SERPINB12: variants seen among roughly 807,000 people sequenced by gnomAD.
The protein encoded by SERPINB12 is serpin family B member 12, also known as serpin B12.
SERPINB12 carries 57 observed loss-of-function variants against 41.1 expected under a neutral mutation model. The observed-to-expected ratio is 1.39, with a 90% CI of 1.12 to 1.73. The LOEUF (loss-of-function observed/expected upper bound fraction) is 1.73. Ranked by LOEUF, SERPINB12 falls within the 40% of genes most tolerant of loss-of-function variation. The pLI, the probability that SERPINB12 is intolerant of heterozygous loss-of-function variation, is 0.00. For synonymous variants in SERPINB12, 180 were observed against 181.3 expected (o/e 0.99, Z 0.06); for missense variants, 536 against 501.9 (o/e 1.07, Z -0.65).
At chr18:63,528,392 C>CAATAAATAAATAAATA in the SERPINB12 span, among the ~76,000 whole-genome samples, 150 of 144,980 alleles carry the variant, frequency 1.0e-3, no homozygotes, top group East Asian at 7.5e-3. Flanking sequence ...TCTCTGAGAG[C>CAATAAATAAATAAATA]AATAAATAAA....
chr18:63,561,121 A>C lies in SERPINB12; in HGVS notation c.481A>C (p.Thr161Pro). 1 of 1,613,110 alleles carries C rather than the reference A, an allele frequency of 6.2e-7. No homozygotes were observed. Residue 161 changes from threonine to proline, a missense_variant, in exon 5 of 8, where the codon ACG (threonine) becomes CCG (proline). Physicochemically the swap from Thr to Pro is conservative, Grantham distance 38. Transcript: ENST00000382768. ...TGGTGTGATTCAATTTTACCACACGACGATTGAAAGTGTTGATTTCCAAAA... is the reference window on the plus strand; with the variant it reads ...TGGTGTGATTCAATTTTACCACACGCCGATTGAAAGTGTTGATTTCCAAAA... ...LDGVIQFYHT[T>P]IESVDFQKNP...
At chr18:63,566,467 A>G (rs758613717) in intron 7 of SERPINB12, 140 bp from the exon 8 acceptor site, 34 of 745,636 alleles carry the variant, frequency 4.6e-5, no homozygotes, top group Non-Finnish European at 6.4e-5. Context: ...TTTAAATGAA[A>G]TCAGACTATT....
chr18:63,569,053 A>G lies in SERPINB12; in HGVS notation c.*2042A>G, dbSNP rs899098944. Among the ~76,000 whole-genome samples the G allele has an allele frequency of 5.3e-5, 8 of 152,114 alleles. No homozygotes were observed. Among genetic ancestry groups the G allele is most frequent in the Non-Finnish European group, 7.4e-5 (5 of 68,024 alleles). On this transcript the variant is annotated 3_prime_UTR_variant, in exon 8 of 8. Transcript: ENST00000382768. ...ATGTCTGACTTGGCACCACTGCCCG[A>G]CACGTAGCTGGAAACCATGACCTAT...
At position 63,544,854 on chromosome 18, in the gene SERPINB12, T is replaced by C. The variant is rs1439126962; in HGVS notation, c.-19+2362T>C. Among the ~76,000 whole-genome samples, 8 of 152,326 alleles carry C rather than the reference T, an allele frequency of 5.3e-5. No homozygotes were observed. The East Asian group carries it at 1.5e-3, about 29-fold the overall frequency. On this transcript the variant is annotated intron_variant, in intron 1 of 7. Coordinates refer to ENST00000382768, the MANE Select transcript of SERPINB12 (RefSeq NM_001307928.2). ...GTCTGCTTTAGATAAAAGATGCATT[T>C]TTTCATTAGGTTGAAAGTGTCTATG...
At position 63,564,082 on chromosome 18, in the gene SERPINB12, C is replaced by T. The variant is rs1160972030; in HGVS notation, c.667C>T (p.His223Tyr). 6.2e-7 allele frequency: 1 copy of T among 1,613,848 alleles called. No individual in the cohort carries two copies. Among genetic ancestry groups the T allele is most frequent in the East Asian group, 2.2e-5 (1 of 44,880 alleles). ...GGCCAAATGGGAAACATACTTTGACCATGAAAACACGGTGGATGCACCTTT... is the reference window on the plus strand; with the variant it reads ...GGCCAAATGGGAAACATACTTTGACTATGAAAACACGGTGGATGCACCTTT... ...FKAKWETYFD[H>Y]ENTVDAPFCL... Residue 223 changes from histidine (H) to tyrosine (Y), a missense_variant, in exon 6 of 8, where the codon CAT becomes TAT. Physicochemically the swap from His to Tyr is moderately conservative, Grantham distance 83 (BLOSUM62 2). Coordinates refer to ENST00000382768, the MANE Select transcript of SERPINB12 (RefSeq NM_001307928.2).
chr18:63,540,524 G>A (rs1910251780), upstream of SERPINB12, among the ~76,000 whole-genome samples: 1 of 152,146 alleles, frequency 6.6e-6, no homozygotes, highest in Admixed American at 6.6e-5. Context: ...ATTTTCTCCA[G>A]TAATTCAGGA....
At chr18:63,531,964 A>G in the SERPINB12 span, among the ~76,000 whole-genome samples, 1 of 152,220 alleles carries the variant, frequency 6.6e-6, no homozygotes. Context: ...ATGTAATCAC[A>G]TAATTCCCAC....
intron 7 of SERPINB12, among the ~76,000 whole-genome samples, chr18:63,566,067 A>G (rs1018954793): frequency 6.6e-6 from 1 of 152,216 alleles, no homozygotes; most frequent in Non-Finnish European, 1.5e-5. Flanking sequence ...GTAGGAATTC[A>G]TAAAGGCTGG....
rs904655646 is a variant in SERPINB12 at position 63,567,758 on chromosome 18, C to T, written c.*747C>T. Among the ~76,000 whole-genome samples the T allele has an allele frequency of 4.6e-5, 7 of 152,342 alleles. No homozygotes were observed. Among genetic ancestry groups the T allele is most frequent in the African/African-American group, 1.7e-4 (7 of 41,588 alleles). On this transcript the variant is annotated 3_prime_UTR_variant, in exon 8 of 8. Transcript: ENST00000382768. ...TTATTGAGTCCCCCAACATTATCATCAAACACTTCCCTCTGTCTCTCCTCC... is the reference window on the plus strand; with the variant it reads ...TTATTGAGTCCCCCAACATTATCATTAAACACTTCCCTCTGTCTCTCCTCC...
At chr18:63,528,404 A>AAATG in the SERPINB12 span, among the ~76,000 whole-genome samples, 1 of 151,062 alleles carries the variant, frequency 6.6e-6, no homozygotes, top group East Asian at 1.9e-4. Flanking sequence ...ATAAATAAAT[A>AAATG]AATAAATAAA....
chr18:63,534,334 A>T, the SERPINB12 span, among the ~76,000 whole-genome samples: 1 of 152,198 alleles, frequency 6.6e-6, no homozygotes, highest in Non-Finnish European at 1.5e-5. Context: ...CCTAACAATT[A>T]TCTGTGGGTA....
the SERPINB12 span, among the ~76,000 whole-genome samples, chr18:63,523,927 T>A: frequency 6.6e-6 from 1 of 152,096 alleles, no homozygotes; most frequent in Non-Finnish European, 1.5e-5. Flanking sequence ...AGATATTGAA[T>A]CTGAAAAGCT....
chr18:63,540,771 A>G (rs1910255836), upstream of SERPINB12, among the ~76,000 whole-genome samples: 1 of 152,220 alleles, frequency 6.6e-6, no homozygotes, highest in Non-Finnish European at 1.5e-5. Context: ...TAAATTAGAA[A>G]TCACTTAAAT....
intron 2 of SERPINB12, among the ~76,000 whole-genome samples, chr18:63,557,441 T>G (rs1301955274): frequency 6.6e-6 from 1 of 152,192 alleles, no homozygotes; most frequent in Non-Finnish European, 1.5e-5. Context: ...CAAGTTCCCA[T>G]GGTTGGCCTT....
the SERPINB12 span, among the ~76,000 whole-genome samples, chr18:63,530,628 A>G: frequency 6.6e-6 from 1 of 152,164 alleles, no homozygotes; most frequent in Admixed American, 6.5e-5. Flanking sequence ...AGTTGCCTCA[A>G]TGCCCGATGT....
the SERPINB12 span, among the ~76,000 whole-genome samples, chr18:63,529,851 CTG>C: frequency 3.9e-5 from 6 of 152,168 alleles, no homozygotes; most frequent in Non-Finnish European, 7.3e-5. Flanking sequence ...TTTATCCACT[CTG>C]TTCAAATTAA....
At chr18:63,534,768 A>G in the SERPINB12 span, among the ~76,000 whole-genome samples, 9 of 152,136 alleles carry the variant, frequency 5.9e-5, no homozygotes, top group Non-Finnish European at 5.9e-5. Context: ...ACACTTTGCA[A>G]TAACACATTT....
chr18:63,559,460 A>G, intron 3 of SERPINB12, 118 bp from the exon 4 acceptor site: 6 of 1,001,496 alleles, frequency 6.0e-6, no homozygotes, highest in Non-Finnish European at 8.9e-6. Context: ...TAACAGAGAC[A>G]GCTGACATCT....
At chr18:63,564,149 GC>G in intron 6 of SERPINB12, 29 bp downstream of exon 6, 1 of 1,593,516 alleles carries the variant, frequency 6.3e-7, no homozygotes, top group Non-Finnish European at 8.5e-7. Flanking sequence ...TGGTTTTCTA[GC>G]TAGCCAACTC....
Sources: allele counts gnomAD v4.1 joint callset (sites outside exome capture counted in the v4.1 genomes callset), GRCh38; gene constraint gnomAD v4.1.1; transcripts MANE v1.5; gene names NCBI Gene and HGNC (gene_info 2026-07-23, HGNC 2026-07-21).